PARD3B: variants seen among roughly 807,000 people sequenced by gnomAD.
PARD3B encodes partitioning defective 3 homolog B.
Under a neutral mutation model 130.2 loss-of-function variants are expected in PARD3B, and 103 were observed. The observed-to-expected ratio is 0.79, with a 90% CI of 0.67 to 0.93. The LOEUF (loss-of-function observed/expected upper bound fraction) is 0.93, where lower values mean the gene tolerates loss of function less well. PARD3B is among the 40% of genes least tolerant of loss of function. The probability of loss-of-function intolerance (pLI) is 0.00; values close to 1 mark genes in which losing one functional copy is unlikely to be tolerated. For synonymous variants in PARD3B, 583 were observed against 553.2 expected (o/e 1.05, Z -0.76); for missense variants, 1,609 against 1,499.2 (o/e 1.07, Z -1.21).
At chr2:205,100,196 G>C (rs1377400125) in intron 4 of PARD3B, among the ~76,000 whole-genome samples, 1 of 152,046 alleles carries the variant, frequency 6.6e-6, no homozygotes, top group Non-Finnish European at 1.5e-5. Context: ...TACCTTGTTA[G>C]GGATCAACAA....
At chr2:204,940,919 T>C (rs1457235740) in intron 2 of PARD3B, among the ~76,000 whole-genome samples, 1 of 79,516 alleles carries the variant, frequency 1.3e-5, no homozygotes, top group Admixed American at 1.5e-4. Context: ...ATTAAAAAAA[T>C]ACAGTACAAG....
intron 16 of PARD3B, among the ~76,000 whole-genome samples, chr2:205,297,647 A>T (rs1343036136): frequency 6.6e-6 from 1 of 152,146 alleles, no homozygotes; most frequent in African/African-American, 2.4e-5. Context: ...AATCCTTATA[A>T]GGACTTTCCT....
At chr2:205,001,195 G>A (rs1303934395) in intron 3 of PARD3B, among the ~76,000 whole-genome samples, 1 of 152,160 alleles carries the variant, frequency 6.6e-6, no homozygotes, top group East Asian at 1.9e-4. Context: ...CACCATGTTG[G>A]CCAGGCTGGT....
chr2:204,958,778 C>T (rs1690495295), intron 2 of PARD3B, among the ~76,000 whole-genome samples: 2 of 152,164 alleles, frequency 1.3e-5, no homozygotes, highest in African/African-American at 4.8e-5. Context: ...CCCAAAAACA[C>T]TCACATGTTC....
chr2:205,028,790 A>G lies in PARD3B; in HGVS notation c.395-18791A>G, dbSNP rs531282665. On this transcript the variant is annotated intron_variant, in intron 3 of 22. Transcript: ENST00000406610. ...AGAAAACCCTAAGGAAAACCCAAAGAAACTGTTAAAACTAATAAATTCAGT... is the reference window on the plus strand; with the variant it reads ...AGAAAACCCTAAGGAAAACCCAAAGGAACTGTTAAAACTAATAAATTCAGT... Among the ~76,000 whole-genome samples the G allele has an allele frequency of 2.0e-5, 3 of 152,332 alleles. No homozygotes were observed. In the South Asian group the frequency reaches 6.2e-4, roughly 32 times the overall value.
intron 18 of PARD3B, among the ~76,000 whole-genome samples, chr2:205,365,865 G>T (rs910705328): frequency 6.6e-6 from 1 of 152,060 alleles, no homozygotes; most frequent in Non-Finnish European, 1.5e-5. Flanking sequence ...TGCCTATATC[G>T]CCACACATGT....
At chr2:205,541,686 T>C (rs1287248372) in intron 21 of PARD3B, among the ~76,000 whole-genome samples, 2 of 152,100 alleles carry the variant, frequency 1.3e-5, no homozygotes, top group East Asian at 1.9e-4. Flanking sequence ...CCTGTTTTTT[T>C]CCCTTCGTGG....
chr2:205,611,680 A>G (rs2055234845), intron 22 of PARD3B, among the ~76,000 whole-genome samples: 1 of 152,186 alleles, frequency 6.6e-6, no homozygotes. Flanking sequence ...AATAAGCAAT[A>G]ATTTCAAAAT....
intron 1 of PARD3B, among the ~76,000 whole-genome samples, chr2:204,681,189 A>G (rs556135760): frequency 6.6e-6 from 1 of 152,250 alleles, no homozygotes; most frequent in Non-Finnish European, 1.5e-5. Context: ...ATCTTTATTA[A>G]TACTTCTTTC....
intron 2 of PARD3B, among the ~76,000 whole-genome samples, chr2:204,695,647 A>G (rs559198899): frequency 6.6e-6 from 1 of 151,964 alleles, no homozygotes; most frequent in African/African-American, 2.4e-5. Flanking sequence ...ACTGTGATGT[A>G]TCACACAAAT....
At chr2:204,735,549 A>C (rs985528413) in intron 2 of PARD3B, among the ~76,000 whole-genome samples, 1 of 152,212 alleles carries the variant, frequency 6.6e-6, no homozygotes, top group African/African-American at 2.4e-5. Flanking sequence ...CAATAAGAAA[A>C]CAGGAAAGAA....
chr2:204,610,406 A>G lies in PARD3B; in HGVS notation c.120+64287A>G, dbSNP rs2033878307. Among the ~76,000 whole-genome samples the G allele has an allele frequency of 6.6e-6, 1 of 152,122 alleles. No individual in the cohort carries two copies. ...AGTCTCCCTCTGTTGCCTAGGCTGG[A>G]GGGCAGTGGCACGGTCTTGGCTTAC... On this transcript the variant is annotated intron_variant, in intron 1 of 22. Coordinates refer to ENST00000406610, the MANE Select transcript of PARD3B (RefSeq NM_001302769.2). The surrounding 1 kb of genome is among the most constrained non-coding windows in gnomAD (Gnocchi z 4.1).
intron 1 of PARD3B, among the ~76,000 whole-genome samples, chr2:204,605,556 A>G (rs1027827738): frequency 6.6e-6 from 1 of 152,122 alleles, no homozygotes; most frequent in Non-Finnish European, 1.5e-5. Flanking sequence ...CTCATCTCCT[A>G]TTATGGAAGA....
chr2:205,110,238 T>C (rs1703534901), intron 5 of PARD3B, among the ~76,000 whole-genome samples: 1 of 152,232 alleles, frequency 6.6e-6, no homozygotes, highest in Admixed American at 6.5e-5. Context: ...AAATGAGACT[T>C]ACAAACATCT....
chr2:204,778,218 A>T (rs2041708883), intron 2 of PARD3B, among the ~76,000 whole-genome samples: 1 of 151,974 alleles, frequency 6.6e-6, no homozygotes, highest in African/African-American at 2.4e-5. Context: ...ATTGAAATTC[A>T]GAGTTTTGCA....
At chr2:204,981,557 T>G (rs974434093) in intron 3 of PARD3B, among the ~76,000 whole-genome samples, 1 of 152,226 alleles carries the variant, frequency 6.6e-6, no homozygotes, top group African/African-American at 2.4e-5. Context: ...CTAAAATTCA[T>G]GCATTAAGCA....
At chr2:205,501,501 C>G (rs556121612) in intron 21 of PARD3B, among the ~76,000 whole-genome samples, 2 of 152,270 alleles carry the variant, frequency 1.3e-5, no homozygotes, top group South Asian at 4.1e-4. Flanking sequence ...TTTACTGCCT[C>G]TGACAAGAGA....
chr2:204,926,010 G>GT (rs34504510), intron 2 of PARD3B, among the ~76,000 whole-genome samples: 35,817 of 152,016 alleles, frequency 0.24, 4,640 homozygotes, highest in Non-Finnish European at 0.29. Flanking sequence ...ATGTGGAACT[G>GT]TGAGTCAATT....
At chr2:204,983,672 A>G (rs566724698) in intron 3 of PARD3B, among the ~76,000 whole-genome samples, 38 of 152,330 alleles carry the variant, frequency 2.5e-4, no homozygotes, top group African/African-American at 8.9e-4. Context: ...TCTTAAAAGC[A>G]GAAGATGAAA....
Sources: allele counts gnomAD v4.1 joint callset (sites outside exome capture counted in the v4.1 genomes callset), GRCh38; gene constraint gnomAD v4.1.1; non-coding constraint Gnocchi (gnomAD v3.1); transcripts MANE v1.5; gene names NCBI Gene and HGNC (gene_info 2026-07-23, HGNC 2026-07-21).